APC2: variants seen among roughly 807,000 people sequenced by gnomAD.
APC2 encodes APC regulator of Wnt signaling pathway 2.
APC2 carries 41 observed loss-of-function variants against 72.5 expected under a neutral mutation model. That is an observed-to-expected ratio of 0.57 (90% CI 0.44 to 0.73). The LOEUF is 0.73. APC2 is among the 30% of genes least tolerant of loss of function. The pLI, the probability that APC2 is intolerant of heterozygous loss-of-function variation, is 0.00. For synonymous variants in APC2, 1,898 were observed against 1,612.0 expected, an observed-to-expected ratio of 1.18 and a Z score of -4.25; for missense variants, 3,729 against 3,403.4, an observed-to-expected ratio of 1.10 and a Z score of -2.38.
In APC2 at chr19:1,461,116, T is replaced by C. The variant is rs374074644; in HGVS notation, c.1601T>C (p.Val534Ala). 121 of 1,612,538 alleles carry C rather than the reference T, an allele frequency of 7.5e-5. No individual in the cohort carries two copies. The highest frequency in any genetic ancestry group is 1.0e-4 in the Non-Finnish European group (120 of 1,180,000). The change falls in exon 13 of 15, where the codon GTG (valine) becomes GCG (alanine). Residue 534 changes from valine to alanine, a missense_variant. Physicochemically the swap from Val to Ala is moderately conservative, Grantham distance 64 (BLOSUM62 0). Transcript: ENST00000590469. Reference sequence around the variant, plus strand: ...AAGGTGCTGAGGGAGGCGGGCAGCGTGACTGCCCTGGTGCAGTGTGTCCTG... The same window carrying C: ...AAGGTGCTGAGGGAGGCGGGCAGCGCGACTGCCCTGGTGCAGTGTGTCCTG... The part of the protein sequence containing the change: ...SKKVLREAGS[V>A]TALVQCVLRA...
chr19:1,454,565 T>TC (rs1421939713), intron 4 of APC2, among the ~76,000 whole-genome samples: 4 of 135,946 alleles, frequency 2.9e-5, no homozygotes, highest in Non-Finnish European at 1.6e-5. Context: ...CTTTTGTACT[T>TC]TTTTTTTTTT....
At chr19:1,455,358 G>A (rs1166578346) in intron 5 of APC2, 26 bp from the exon 6 acceptor site, 4 of 1,602,468 alleles carry the variant, frequency 2.5e-6, no homozygotes, top group South Asian at 1.1e-5. Context: ...GCCCCTCACC[G>A]TGGCCCGCCC....
chr19:1,461,491 C>T, intron 13 of APC2: 1 of 398,798 alleles, frequency 2.5e-6, no homozygotes, highest in South Asian at 2.7e-5. Context: ...ATCACTTGAA[C>T]CTAGGAGGCG....
At position 1,466,653 on chromosome 19, in the gene APC2, G is replaced by A. The variant is rs745872459; in HGVS notation, c.3352G>A (p.Gly1118Arg). 8.0e-6 allele frequency: 12 copies of A among 1,494,376 alleles called. No individual in the cohort carries two copies. In the East Asian group the frequency reaches 9.8e-5, roughly 12 times the overall value. The allele number at this position is 1,494,376 out of a possible 1,614,324, so 92.6% of individuals were successfully genotyped here. A position where few individuals can be genotyped will look rare whatever the true frequency, so the allele number is the denominator to read the frequency against. Residue 1118 changes from glycine (G) to arginine (R), a missense_variant, in exon 15 of 15, where the codon GGG becomes AGG. Transcript: ENST00000590469. ...GCTGGACAGCACGTGGCGGGCGCCC[G>A]GGGCCACCTCGCTGCCCGTAGCCAT... The part of the protein sequence containing the change: ...AELDSTWRAP[G>R]ATSLPVAIPA...
Position 1,461,979 on chromosome 19 carries a change from G to T in APC2, c.1655G>T (p.Ser552Ile). ...LRATKESTLKSVLSALWNLSA... is the reference protein window; with the variant it reads ...LRATKESTLKIVLSALWNLSA... ...CTCGTCCAGGAGTCCACCCTGAAGA[G>T]CGTGCTGAGCGCCCTGTGGAATCTG... The change falls in exon 14 of 15, where the codon AGC becomes ATC. Residue 552 changes from serine (S) to isoleucine (I), a missense_variant. Coordinates refer to ENST00000590469, the MANE Select transcript of APC2 (RefSeq NM_005883.3). 1 of 1,612,000 alleles carries T rather than the reference G, an allele frequency of 6.2e-7. No homozygotes were observed. Among genetic ancestry groups the T allele is most frequent in the Non-Finnish European group, 8.5e-7 (1 of 1,179,226 alleles).
At chr19:1,461,407 T>C (rs549748799) in intron 13 of APC2, 6 of 538,266 alleles carry the variant, frequency 1.1e-5, no homozygotes, top group African/African-American at 7.7e-5. Context: ...AGACCCCATC[T>C]CTACTAAAAA....
chr19:1,462,763 G>T (rs1446526633), intron 14 of APC2, among the ~76,000 whole-genome samples: 3 of 150,680 alleles, frequency 2.0e-5, no homozygotes, highest in Admixed American at 2.0e-4. Context: ...GAGGTCAGGA[G>T]ATCGAGACCA....
chr19:1,449,876 G>A (rs2083721724), upstream of APC2, among the ~76,000 whole-genome samples: 1 of 152,224 alleles, frequency 6.6e-6, no homozygotes, highest in Non-Finnish European at 1.5e-5. Context: ...GTTTTAAGAG[G>A]CCGTTGCACC....
chr19:1,458,423 T>A, intron 10 of APC2: 1 of 223,432 alleles, frequency 4.5e-6, no homozygotes, highest in Non-Finnish European at 8.8e-6. Context: ...TGCAACATCT[T>A]CTCTTTGTCA....
At chr19:1,461,177 G>T (rs765017041) in intron 13 of APC2, 24 bp downstream of exon 13, 2 of 1,588,938 alleles carry the variant, frequency 1.3e-6, no homozygotes, top group Non-Finnish European at 1.7e-6. Flanking sequence ...GGGCGGCAGG[G>T]ATGCTTCTTC....
Position 1,469,769 on chromosome 19 carries a change from C to T in APC2, c.6468C>T (p.His2156=). Residue 2156 remains histidine (H), a synonymous_variant, in exon 15 of 15, where the codon CAC becomes CAT. Transcript: ENST00000590469. The part of the protein sequence containing the change: ...WRRIRDEDVP[H]ILRSTLPATA... Reference sequence around the variant, plus strand: ...GCATCCGAGATGAGGACGTGCCCCACATCCTGCGCAGCACGCTTCCCGCCA... The same window carrying T: ...GCATCCGAGATGAGGACGTGCCCCATATCCTGCGCAGCACGCTTCCCGCCA... 6.6e-7 allele frequency: 1 copy of T among 1,513,836 alleles called. No homozygotes were observed. Among genetic ancestry groups the T allele is most frequent in the Non-Finnish European group, 8.8e-7 (1 of 1,138,678 alleles). 93.8% of individuals were successfully genotyped at this position (1,513,836 alleles called of 1,614,324 possible). A position where few individuals can be genotyped will look rare whatever the true frequency, so the allele number is the denominator to read the frequency against.
In APC2 at chr19:1,456,173, C is replaced by A; in HGVS notation, c.717+20C>A. The A allele has an allele frequency of 6.4e-7, 1 of 1,571,730 alleles. No homozygotes were observed. The highest frequency in any genetic ancestry group is 8.6e-7 in the Non-Finnish European group (1 of 1,161,440). Reference sequence around the variant, plus strand: ...CCCCAGGTACCGGGTGGGGCAGAGCCAGGGACCAGGGGTGGTGTCGGCCCA... The same window carrying A: ...CCCCAGGTACCGGGTGGGGCAGAGCAAGGGACCAGGGGTGGTGTCGGCCCA... On this transcript the variant is annotated intron_variant, in intron 7 of 14. Transcript: ENST00000590469.
At chr19:1,454,003 A>G (rs574266013) in intron 4 of APC2, among the ~76,000 whole-genome samples, 6 of 152,314 alleles carry the variant, frequency 3.9e-5, no homozygotes, top group African/African-American at 1.4e-4. Context: ...GCTGTGGCCC[A>G]AGAAGCGTGG....
chr19:1,462,067 G>C lies in APC2; in HGVS notation c.1743G>C (p.Leu581=). Residue 581 remains leucine (L), a synonymous_variant, in exon 14 of 15, where the codon CTG becomes CTC. Coordinates refer to ENST00000590469, the MANE Select transcript of APC2 (RefSeq NM_005883.3). The part of the protein sequence containing the change: ...ICQVDGALGF[L]VSTLTYKCQS... ...AGGTGGATGGCGCCCTGGGCTTCCT[G>C]GTGAGCACCCTGACCTACAAGTGTC... The C allele has an allele frequency of 1.2e-6, 2 of 1,613,084 alleles. No homozygotes were observed. Among genetic ancestry groups the C allele is most frequent in the Non-Finnish European group, 8.5e-7 (1 of 1,180,016 alleles).
At position 1,462,008 on chromosome 19, in the gene APC2, G is replaced by A. The variant is rs1432711267; in HGVS notation, c.1684G>A (p.Ala562Thr). Residue 562 changes from alanine to threonine, a missense_variant, in exon 14 of 15, where the codon GCA becomes ACA. Coordinates refer to ENST00000590469, the MANE Select transcript of APC2 (RefSeq NM_005883.3). ...GCTGAGCGCCCTGTGGAATCTGTCT[G>A]CACACAGCACAGAGAACAAGGCGGC... ...SVLSALWNLS[A>T]HSTENKAAIC... is the part of the protein sequence containing the mutation. 5 of 1,612,952 alleles carry A rather than the reference G, an allele frequency of 3.1e-6. No homozygotes were observed. In the South Asian group the frequency reaches 4.4e-5, roughly 14 times the overall value.
rs542150970 is a variant in APC2 at position 1,461,270 on chromosome 19, C to T, written c.1638+117C>T. ...TCAAGTTGAACAGCTCACTGCTTAG[C>T]GGGTGGTCCAGCCTCAGACCGGCTG... On this transcript the variant is annotated intron_variant, in intron 13 of 14. Transcript: ENST00000590469. 5.8e-5 allele frequency: 52 copies of T among 898,266 alleles called. 1 individual carries two copies. In the Middle Eastern group the frequency reaches 9.9e-4, roughly 17 times the overall value. 55.6% of individuals were successfully genotyped at this position (898,266 alleles called of 1,614,324 possible).
chr19:1,446,448 C>T, upstream of APC2: 2 of 853,642 alleles, frequency 2.3e-6, no homozygotes, highest in Non-Finnish European at 2.8e-6. The surrounding 1 kb of genome is among the most constrained non-coding windows in gnomAD (Gnocchi z 6.1). Context: ...GCGCATGGGG[C>T]GAGCGCGCGG....
chr19:1,454,004 A>G (rs1050205203), intron 4 of APC2, among the ~76,000 whole-genome samples: 6 of 152,214 alleles, frequency 3.9e-5, no homozygotes, highest in Non-Finnish European at 8.8e-5. Context: ...CTGTGGCCCA[A>G]GAAGCGTGGG....
intron 13 of APC2, 40 bp from the exon 14 acceptor site, chr19:1,461,923 A>C: frequency 1.9e-6 from 3 of 1,538,870 alleles, no homozygotes; most frequent in Non-Finnish European, 2.7e-6. Flanking sequence ...CCTCCGGGCC[A>C]CTCAGGCCCT....
Sources: gnomAD v4.1 joint callset for allele counts (sites outside exome capture counted in the v4.1 genomes callset) on GRCh38, gnomAD v4.1.1 for gene constraint, Gnocchi (gnomAD v3.1) non-coding constraint, MANE v1.5 for transcripts, NCBI Gene and HGNC (gene_info 2026-07-23, HGNC 2026-07-21) for gene names.